Variants in DPP6 observed in about 807,000 individuals in gnomAD.
DPP6 encodes the protein dipeptidyl peptidase like 6, also known as A-type potassium channel modulatory protein DPP6.
Under a neutral mutation model 122.6 loss-of-function variants are expected in DPP6, and 69 were observed. The observed-to-expected ratio is 0.56, with a 90% CI of 0.46 to 0.69. The LOEUF (loss-of-function observed/expected upper bound fraction) is 0.69, where lower values mean the gene tolerates loss of function less well. Among genes scored for constraint, DPP6 ranks in the 30% least tolerant of loss-of-function variants. The pLI, the probability that DPP6 is intolerant of heterozygous loss-of-function variation, is 0.00. For synonymous variants in DPP6, 418 were observed against 433.1 expected, an observed-to-expected ratio of 0.97 and a Z score of 0.43; for missense variants, 928 against 1,116.9, an observed-to-expected ratio of 0.83 and a Z score of 2.41.
intron 1 of DPP6, among the ~76,000 whole-genome samples, chr7:153,952,031 A>G (rs758246602): frequency 8.5e-5 from 13 of 152,218 alleles, no homozygotes; most frequent in Non-Finnish European, 1.8e-4. Flanking sequence ...TGACAGAGCT[A>G]GATTCTGTCT....
At chr7:154,672,048 C>A (rs914786204) in intron 7 of DPP6, among the ~76,000 whole-genome samples, 2 of 152,058 alleles carry the variant, frequency 1.3e-5, no homozygotes, top group African/African-American at 4.8e-5. Flanking sequence ...ATTATAATCC[C>A]CATGTGTCAA....
At chr7:154,886,114 C>T (rs1027687494) in intron 22 of DPP6, among the ~76,000 whole-genome samples, 4 of 152,176 alleles carry the variant, frequency 2.6e-5, no homozygotes, top group African/African-American at 9.6e-5. Flanking sequence ...CAGAAGAATC[C>T]GAGCAGGGCC....
At chr7:154,176,245 G>A (rs569394295) in intron 1 of DPP6, among the ~76,000 whole-genome samples, 1 of 152,286 alleles carries the variant, frequency 6.6e-6, no homozygotes, top group South Asian at 2.1e-4. Context: ...TAATTCAGAA[G>A]TGCAGTATCC....
At chr7:154,820,669 TC>T (rs1446557204) in intron 16 of DPP6, among the ~76,000 whole-genome samples, 9 of 152,098 alleles carry the variant, frequency 5.9e-5, no homozygotes, top group Admixed American at 5.2e-4. Context: ...AGATGAACAT[TC>T]AAACACTTTT....
the DPP6 span, among the ~76,000 whole-genome samples, chr7:153,803,453 G>GC: frequency 1.0e-4 from 14 of 140,028 alleles, no homozygotes; most frequent in African/African-American, 2.6e-4. Flanking sequence ...ACCCCTTTCT[G>GC]CCCCTGCCTA....
chr7:154,279,473 G>A (rs1030391834), intron 1 of DPP6, among the ~76,000 whole-genome samples: 1 of 152,180 alleles, frequency 6.6e-6, no homozygotes, highest in Non-Finnish European at 1.5e-5. Context: ...CTGAGACAAC[G>A]CCTTGGAAGC....
Position 154,861,776 on chromosome 7 carries a change from C to T in DPP6, c.1715-6219C>T, listed in dbSNP as rs149418439. Reference sequence around the variant, plus strand: ...ACTCAGTTCATGAGCACACCTGACTCATTTCCAGAGAAGACCTTGTCAGAA... The same window carrying T: ...ACTCAGTTCATGAGCACACCTGACTTATTTCCAGAGAAGACCTTGTCAGAA... On this transcript the variant is annotated intron_variant, in intron 17 of 25. Coordinates refer to ENST00000377770, the MANE Select transcript of DPP6 (RefSeq NM_130797.4). Among the ~76,000 whole-genome samples the T allele has an allele frequency of 4.1e-3, 623 of 152,266 alleles. 9 individuals carry two copies. The highest frequency in any genetic ancestry group is 0.014 in the African/African-American group (602 of 41,540).
chr7:153,828,944 A>C, the DPP6 span, among the ~76,000 whole-genome samples: 1 of 152,228 alleles, frequency 6.6e-6, no homozygotes, highest in South Asian at 2.1e-4. Context: ...GGTACATAGA[A>C]TATTTGAATA....
At chr7:154,708,254 G>T (rs1377830087) in intron 7 of DPP6, among the ~76,000 whole-genome samples, 1 of 152,154 alleles carries the variant, frequency 6.6e-6, no homozygotes, top group Non-Finnish European at 1.5e-5. Flanking sequence ...ACTACCATCA[G>T]TTTCTGTATA....
At chr7:154,583,874 G>A (rs1451671112) in intron 5 of DPP6, among the ~76,000 whole-genome samples, 1 of 152,006 alleles carries the variant, frequency 6.6e-6, no homozygotes, top group African/African-American at 2.4e-5. Flanking sequence ...TTGGCCCCAC[G>A]TCCTGCCTGC....
At chr7:154,006,413 C>G (rs1020182536) in intron 1 of DPP6, among the ~76,000 whole-genome samples, 1 of 152,050 alleles carries the variant, frequency 6.6e-6, no homozygotes, top group African/African-American at 2.4e-5. Context: ...ACTCTGGGTT[C>G]TGTTATCCAT....
Position 154,892,720 on chromosome 7 carries a change from C to T in DPP6, c.*240C>T, listed in dbSNP as rs764035260. The T allele has an allele frequency of 3.5e-6, 3 of 861,442 alleles. No homozygotes were observed. The highest frequency in any genetic ancestry group is 2.3e-4 in the Middle Eastern group (1 of 4,372). 53.4% of individuals were successfully genotyped at this position (861,442 alleles called of 1,614,324 possible). A position where few individuals can be genotyped will look rare whatever the true frequency, so the allele number is the denominator to read the frequency against. On this transcript the variant is annotated 3_prime_UTR_variant, in exon 26 of 26. Coordinates refer to ENST00000377770, the MANE Select transcript of DPP6 (RefSeq NM_130797.4). ...CTGTCCCCGCAGCAGCGCCTCCTCC[C>T]GGCGCCCGAGAGACCGGCACGCCAC... is the stretch of plus-strand genomic sequence containing the variant.
chr7:154,170,219 C>T (rs1233012644), intron 1 of DPP6, among the ~76,000 whole-genome samples: 3 of 152,182 alleles, frequency 2.0e-5, no homozygotes, highest in African/African-American at 7.2e-5. Flanking sequence ...TGCCCAGCTC[C>T]ATCCAGGGCT....
chr7:154,191,474 G>A lies in DPP6; in HGVS notation c.243+138411G>A, dbSNP rs1406863327. On this transcript the variant is annotated intron_variant, in intron 1 of 25. Transcript: ENST00000377770. ...CATAAGTGCAATGTGCGCACACAAG[G>A]CCTGTCACTTCTGAAAAAAATGTTG... 2.6e-5 allele frequency among the ~76,000 whole-genome samples: 4 copies of A among 152,164 alleles called. No individual in the cohort carries two copies. The East Asian group carries it at 7.7e-4, about 29-fold the overall frequency.
the DPP6 span, among the ~76,000 whole-genome samples, chr7:153,764,319 C>T: frequency 1.4e-4 from 21 of 150,102 alleles, no homozygotes; most frequent in Non-Finnish European, 3.1e-4. Flanking sequence ...CTTCTGCACT[C>T]GCTAGTCCTC....
Position 154,868,018 on chromosome 7 carries a change from G to T in DPP6, c.1738G>T (p.Glu580Ter). 6.2e-7 allele frequency: 1 copy of T among 1,605,208 alleles called. No homozygotes were observed. The highest frequency in any genetic ancestry group is 8.5e-7 in the Non-Finnish European group (1 of 1,175,994). Reference sequence around the variant, plus strand: ...AGAAATGTTTGACCTAGAAACAAATGAACATGTCAAGAAGGCCATAAATGA... The same window carrying T: ...AGAAATGTTTGACCTAGAAACAAATTAACATGTCAAGAAGGCCATAAATGA... ...KKKMFDLETN[E>*]HVKKAINDRQ... Residue 580 changes from glutamate to a stop codon, truncating the protein, a stop_gained, in exon 18 of 26, where the codon GAA (glutamate) becomes TAA (stop). Transcript: ENST00000377770. LOFTEE classifies it high-confidence loss of function.
rs556042653 is a variant in DPP6, at chr7:154,447,392, A to G, written c.358+1064A>G. Among the ~76,000 whole-genome samples, 17 of 152,328 alleles carry G rather than the reference A, an allele frequency of 1.1e-4. No individual in the cohort carries two copies. The East Asian group carries it at 2.5e-3, about 22-fold the overall frequency. ...GTATGTAACTGTTTTATCCGTTCTC[A>G]TGATCATAGTAGATGCCTATTTGTG... On this transcript the variant is annotated intron_variant, in intron 2 of 25. Coordinates refer to ENST00000377770, the MANE Select transcript of DPP6 (RefSeq NM_130797.4).
chr7:154,739,851 G>T (rs1586992507), intron 8 of DPP6, among the ~76,000 whole-genome samples: 1 of 152,348 alleles, frequency 6.6e-6, no homozygotes, highest in East Asian at 1.9e-4. Flanking sequence ...AGAGGACAGT[G>T]GGGGCGGCTT....
At chr7:154,294,793 A>G (rs1042357044) in intron 1 of DPP6, among the ~76,000 whole-genome samples, 18 of 152,212 alleles carry the variant, frequency 1.2e-4, no homozygotes, top group Non-Finnish European at 2.2e-4. Flanking sequence ...ACAGCACGGC[A>G]GTGGAAACAT....
Sources: gnomAD v4.1 joint callset for allele counts (sites outside exome capture counted in the v4.1 genomes callset) on GRCh38, gnomAD v4.1.1 for gene constraint, MANE v1.5 for transcripts, NCBI Gene and HGNC (gene_info 2026-07-23, HGNC 2026-07-21) for gene names.